CYP2R1: variants seen among roughly 807,000 people sequenced by gnomAD.
CYP2R1 encodes the protein vitamin D 25-hydroxylase.
A neutral mutation model predicts 45.7 loss-of-function variants in CYP2R1; 40 were observed. The observed-to-expected ratio is 0.87, with a 90% CI of 0.68 to 1.14. The LOEUF (loss-of-function observed/expected upper bound fraction) is 1.14. Among genes scored for constraint, CYP2R1 ranks in the 50% most tolerant of loss-of-function variants. The pLI, the probability that CYP2R1 is intolerant of heterozygous loss-of-function variation, is 0.00. For synonymous variants in CYP2R1, 234 were observed against 219.3 expected, an observed-to-expected ratio of 1.07 and a Z score of -0.59; for missense variants, 605 against 602.6, an observed-to-expected ratio of 1.00 and a Z score of -0.04.
rs553178387 is a variant in CYP2R1 at position 14,892,156 on chromosome 11, G to A, written c.50C>T (p.Ala17Val). The change falls in exon 1 of 5, where the codon GCG becomes GTG. Residue 17 changes from alanine (A) to valine (V), a missense_variant. Transcript: ENST00000334636. ...TAGCGCGAAGAGCAGCAGGAAGAGCGCGCCGCCGAGCGCCGCCGCGCCCTC... is the reference window on the plus strand; with the variant it reads ...TAGCGCGAAGAGCAGCAGGAAGAGCACGCCGCCGAGCGCCGCCGCGCCCTC... ...AEEGAAALGG[A>V]LFLLLFALGV... 6.2e-6 allele frequency: 10 copies of A among 1,610,586 alleles called. No individual in the cohort carries two copies. The highest frequency in any genetic ancestry group is 4.0e-4 in the Middle Eastern group (2 of 5,008).
At chr11:14,879,081 T>C in intron 4 of CYP2R1, 33 bp downstream of exon 4, 2 of 1,520,046 alleles carry the variant, frequency 1.3e-6, no homozygotes, top group Non-Finnish European at 1.8e-6. Context: ...TTATCCTTTA[T>C]TCTAAAGTTA....
chr11:14,885,672 T>C, intron 2 of CYP2R1, 104 bp downstream of exon 2: 1 of 1,211,570 alleles, frequency 8.3e-7, no homozygotes, highest in Non-Finnish European at 1.2e-6. Flanking sequence ...TAGTTTCTTA[T>C]TAATCAGTAT....
At chr11:14,890,443 C>G in intron 1 of CYP2R1, 1 of 981,478 alleles carries the variant, frequency 1.0e-6, no homozygotes, top group African/African-American at 1.8e-5. Flanking sequence ...TTTATTATCT[C>G]GTCCAGCTTC....
intron 1 of CYP2R1, chr11:14,890,770 G>A (rs1009302533): frequency 1.2e-5 from 8 of 668,412 alleles, no homozygotes; most frequent in Non-Finnish European, 1.3e-5. Context: ...CGACGGTCTC[G>A]ATCTCCTGAT....
intron 1 of CYP2R1, chr11:14,891,074 G>A: frequency 2.0e-6 from 2 of 985,414 alleles, no homozygotes; most frequent in Non-Finnish European, 2.4e-6. Context: ...ATAAATAAGT[G>A]TAATTCAAAA....
chr11:14,886,150 A>G, intron 1 of CYP2R1: 1 of 534,422 alleles, frequency 1.9e-6, no homozygotes, highest in Non-Finnish European at 3.4e-6. Context: ...TACCAACAGT[A>G]TAATGAAAAG....
At chr11:14,881,776 A>G (rs898707028) in intron 2 of CYP2R1, among the ~76,000 whole-genome samples, 1 of 152,090 alleles carries the variant, frequency 6.6e-6, no homozygotes, top group Non-Finnish European at 1.5e-5. Flanking sequence ...TGTGAGCTTC[A>G]GTAGAAGCAG....
At chr11:14,891,671 T>C in intron 1 of CYP2R1, 2 of 1,176,010 alleles carry the variant, frequency 1.7e-6, no homozygotes, top group Non-Finnish European at 2.1e-6. Context: ...GCGGCGCGGC[T>C]GGCGAGCCAA....
rs1468918570 is a variant in CYP2R1, at chr11:14,880,573, G to T, written c.563C>A (p.Ser188Ter). 6.2e-7 allele frequency: 1 copy of T among 1,613,194 alleles called. No homozygotes were observed. Among genetic ancestry groups the T allele is most frequent in the African/African-American group, 1.3e-5 (1 of 74,884 alleles). Residue 188 changes from serine to a stop codon, truncating the protein, a stop_gained, in exon 3 of 5, where the codon TCA becomes TAA. Coordinates refer to ENST00000334636, the MANE Select transcript of CYP2R1 (RefSeq NM_024514.5). LOFTEE classifies it high-confidence loss of function. ...AAAAATGATCAGATTGGTTATGTTT[G>T]AAACAGCATTCGTTATTAACTGTTT... ...DFKQLITNAV[S>*]NITNLIIFGE... is the part of the protein sequence containing the mutation.
At chr11:14,883,669 A>C (rs369655431) in intron 2 of CYP2R1, among the ~76,000 whole-genome samples, 122 of 152,158 alleles carry the variant, frequency 8.0e-4, no homozygotes, top group South Asian at 6.2e-4. Flanking sequence ...GCAACAAAAG[A>C]CAAAATTGAC....
At chr11:14,890,114 G>T (rs574690127) in intron 1 of CYP2R1, among the ~76,000 whole-genome samples, 4 of 152,118 alleles carry the variant, frequency 2.6e-5, no homozygotes, top group Admixed American at 2.6e-4. Context: ...GGGTGACAGA[G>T]CAAGACTCGT....
chr11:14,878,773 T>G (rs1590211436), intron 4 of CYP2R1, among the ~76,000 whole-genome samples: 1 of 152,120 alleles, frequency 6.6e-6, no homozygotes, highest in East Asian at 1.9e-4. Context: ...GAGAGTGAGA[T>G]TCTAGTTTTA....
intron 2 of CYP2R1, among the ~76,000 whole-genome samples, chr11:14,881,836 C>A (rs1848398998): frequency 6.6e-6 from 1 of 151,720 alleles, no homozygotes; most frequent in Non-Finnish European, 1.5e-5. Flanking sequence ...ATAAAGTGTG[C>A]AGAACCATGA....
rs1489873050 is a variant in CYP2R1, at chr11:14,885,673, T to G, written c.367+103A>C. The G allele has an allele frequency of 4.1e-6, 5 of 1,217,462 alleles. No individual in the cohort carries two copies. The African/African-American group carries it at 6.1e-5, about 15-fold the overall frequency. 75.4% of individuals were successfully genotyped at this position (1,217,462 alleles called of 1,614,324 possible). Reference sequence around the variant, plus strand: ...GTTCTGTAAATAAATAGTTTCTTATTAATCAGTATAAAATAATCCCAACTG... The same window carrying G: ...GTTCTGTAAATAAATAGTTTCTTATGAATCAGTATAAAATAATCCCAACTG... On this transcript the variant is annotated intron_variant, in intron 2 of 4. Transcript: ENST00000334636.
rs1848342011 is a variant in CYP2R1 at position 14,880,598 on chromosome 11, T to C, written c.538A>G (p.Lys180Glu). 1 of 1,612,936 alleles carries C rather than the reference T, an allele frequency of 6.2e-7. No homozygotes were observed. Among genetic ancestry groups the C allele is most frequent in the African/African-American group, 1.3e-5 (1 of 75,004 alleles). Residue 180 changes from lysine (K) to glutamate (E), a missense_variant, in exon 3 of 5, where the codon AAA becomes GAA. By Grantham distance (56) the Lys-to-Glu change is moderately conservative. Transcript: ENST00000334636. The part of the protein sequence containing the change: ...ETYKGRPFDF[K>E]QLITNAVSNI... ...GAAACAGCATTCGTTATTAACTGTT[T>C]AAAGTCAAAAGGTCTACCTTTGTAT... is the stretch of plus-strand genomic sequence containing the variant.
intron 1 of CYP2R1, among the ~76,000 whole-genome samples, chr11:14,888,047 A>C (rs567076352): frequency 6.6e-6 from 1 of 152,274 alleles, no homozygotes; most frequent in East Asian, 1.9e-4. Flanking sequence ...TGATATTCCT[A>C]TAGCTTGCTC....
At chr11:14,880,008 A>G in intron 3 of CYP2R1, 128 bp downstream of exon 3, 3 of 899,364 alleles carry the variant, frequency 3.3e-6, no homozygotes. Flanking sequence ...TAACTATTAA[A>G]TATTTCTATA....
chr11:14,884,983 A>G (rs1384678864), intron 2 of CYP2R1, among the ~76,000 whole-genome samples: 1 of 152,034 alleles, frequency 6.6e-6, no homozygotes, highest in African/African-American at 2.4e-5. Flanking sequence ...GTCTTTTACA[A>G]TTTGTGCTTT....
chr11:14,881,462 A>G (rs1452250296), intron 2 of CYP2R1, among the ~76,000 whole-genome samples: 2 of 152,054 alleles, frequency 1.3e-5, no homozygotes, highest in Non-Finnish European at 2.9e-5. Context: ...CAGTGCACAT[A>G]TTTATGTAAC....
Sources: allele counts gnomAD v4.1 joint callset (sites outside exome capture counted in the v4.1 genomes callset), GRCh38; gene constraint gnomAD v4.1.1; transcripts MANE v1.5; gene names NCBI Gene and HGNC (gene_info 2026-07-23, HGNC 2026-07-21).